The following CEP43 variants were observed in gnomAD, a reference collection of about 807,000 sequenced individuals.
CEP43 encodes the protein centrosomal protein 43, also known as FGFR1 oncogene partner.
In CEP43, 36 loss-of-function variants were observed where a neutral mutation model predicts 52.6. The observed-to-expected ratio is 0.68, with a 90% CI of 0.52 to 0.90. The LOEUF is 0.90. CEP43 is among the 40% of genes least tolerant of loss of function. The pLI is 0.00. For missense variants in CEP43, 506 were observed against 472.8 expected (o/e 1.07, Z -0.65); for synonymous variants, 192 against 172.4 (o/e 1.11, Z -0.89).
chr6:167,037,840 C>T (rs994400985), intron 12 of CEP43, among the ~76,000 whole-genome samples: 1 of 152,166 alleles, frequency 6.6e-6, no homozygotes, highest in Admixed American at 6.5e-5. Context: ...ATATTTTAGG[C>T]TTTGCAGGCC....
At chr6:167,018,115 C>G (rs1780142748) in intron 7 of CEP43, among the ~76,000 whole-genome samples, 1 of 152,132 alleles carries the variant, frequency 6.6e-6, no homozygotes, top group Non-Finnish European at 1.5e-5. Flanking sequence ...GTCTTTGCCT[C>G]CATCTTCACA....
At chr6:167,013,141 C>T (rs1780021113) in intron 6 of CEP43, among the ~76,000 whole-genome samples, 1 of 152,272 alleles carries the variant, frequency 6.6e-6, no homozygotes, top group South Asian at 2.1e-4. Context: ...TTGTGTGCTC[C>T]TGAGAAAGGT....
intron 12 of CEP43, among the ~76,000 whole-genome samples, chr6:167,038,006 T>C (rs1309826015): frequency 3.3e-5 from 5 of 152,208 alleles, no homozygotes; most frequent in Non-Finnish European, 7.3e-5. Flanking sequence ...TGTTCAGCTG[T>C]CAGTGGGACC....
intron 1 of CEP43, 35 bp downstream of exon 1, chr6:166,999,549 C>T: frequency 7.4e-7 from 1 of 1,344,848 alleles, no homozygotes; most frequent in Non-Finnish European, 9.8e-7. Context: ...CCTGGCGGAT[C>T]CGCAGGGCTT....
At chr6:167,032,547 G>A (rs1013031899) in intron 10 of CEP43, 56 bp from the exon 11 acceptor site, 26 of 1,453,808 alleles carry the variant, frequency 1.8e-5, no homozygotes, top group Middle Eastern at 1.8e-4. Flanking sequence ...TGTGTTTAAT[G>A]GTAGGTAAAT....
chr6:167,003,699 T>G (rs1252304345), intron 3 of CEP43, 24 bp from the exon 4 acceptor site: 1 of 1,488,982 alleles, frequency 6.7e-7, no homozygotes, highest in Non-Finnish European at 9.3e-7. Flanking sequence ...ATTTGCTTAC[T>G]TACCTTTTTC....
At chr6:167,036,524 T>C (rs1220495476) in intron 12 of CEP43, 2 of 985,308 alleles carry the variant, frequency 2.0e-6, no homozygotes, top group Non-Finnish European at 2.4e-6. Flanking sequence ...AGAACATAAG[T>C]GTGCATCCCA....
At chr6:167,020,036 G>A (rs1780190072) in intron 7 of CEP43, among the ~76,000 whole-genome samples, 1 of 152,152 alleles carries the variant, frequency 6.6e-6, no homozygotes, top group African/African-American at 2.4e-5. Context: ...ATTTCCAAAT[G>A]CATATTCTTT....
rs867834499 is a variant in CEP43, at chr6:167,016,995, T to A, written c.579+3428T>A. Among the ~76,000 whole-genome samples, 899 of 150,300 alleles carry A rather than the reference T, an allele frequency of 6.0e-3. 8 individuals are homozygous for A. The highest frequency in any genetic ancestry group is 0.019 in the South Asian group (92 of 4,766). On this transcript the variant is annotated intron_variant, in intron 7 of 12. Transcript: ENST00000366847. ...ATTTTATTTATTATTTATTTATTTTTTTTTTTTTTTATTTTTTTGAGATGG... is the reference window on the plus strand; with the variant it reads ...ATTTTATTTATTATTTATTTATTTTATTTTTTTTTTATTTTTTTGAGATGG...
intron 10 of CEP43, among the ~76,000 whole-genome samples, chr6:167,026,910 A>G (rs1780368449): frequency 6.6e-6 from 1 of 152,234 alleles, no homozygotes; most frequent in Non-Finnish European, 1.5e-5. Context: ...GTCAGTATAT[A>G]TGGGTATAGA....
chr6:167,044,319 A>G lies in CEP43; in HGVS notation c.*4341A>G. 1 of 821,718 alleles carries G rather than the reference A, an allele frequency of 1.2e-6. No homozygotes were observed. The highest frequency in any genetic ancestry group is 1.5e-6 in the Non-Finnish European group (1 of 680,298). 50.9% of individuals were successfully genotyped at this position (821,718 alleles called of 1,614,324 possible). On this transcript the variant is annotated 3_prime_UTR_variant, in exon 13 of 13. Transcript: ENST00000366847. ...TTTTTGACTAAAAAATTGTTGGCCT[A>G]AGATAATTCAGTAGCAGGGCTGAAT...
rs566571831 is a variant in CEP43 at position 167,049,047 on chromosome 6, C to A, written c.*9069C>A. 6 of 152,276 alleles carry A rather than the reference C, an allele frequency of 3.9e-5. No homozygotes were observed. Among genetic ancestry groups the A allele is most frequent in the African/African-American group, 1.4e-4 (6 of 41,550 alleles). 9.4% of individuals were successfully genotyped at this position (152,276 alleles called of 1,614,324 possible). ...CTCTGTTGAAAGATATTTTTAAAAT[C>A]ATTGTCCTATGGAAAAGTCATATAG... On this transcript the variant is annotated 3_prime_UTR_variant, in exon 13 of 13. Transcript: ENST00000366847.
chr6:167,002,259 T>C (rs1251723237), intron 2 of CEP43, among the ~76,000 whole-genome samples: 1 of 151,890 alleles, frequency 6.6e-6, no homozygotes, highest in Non-Finnish European at 1.5e-5. Context: ...TAGGTACTCT[T>C]TTTTTTTGGT....
intron 6 of CEP43, among the ~76,000 whole-genome samples, chr6:167,012,915 A>G (rs1780016915): frequency 1.3e-5 from 2 of 152,200 alleles, no homozygotes; most frequent in African/African-American, 2.4e-5. Context: ...AATACCCTAG[A>G]TAGTCCTTGT....
At chr6:167,009,661 G>A (rs961199379) in intron 5 of CEP43, among the ~76,000 whole-genome samples, 8 of 135,186 alleles carry the variant, frequency 5.9e-5, no homozygotes, top group African/African-American at 8.5e-5. Context: ...ATGAAACTCC[G>A]TCTCAAAAAA....
At position 167,004,297 on chromosome 6, in the gene CEP43, C is replaced by A. The variant is rs201719790; in HGVS notation, c.334C>A (p.Arg112=). 3.1e-6 allele frequency: 5 copies of A among 1,606,334 alleles called. No homozygotes were observed. Among genetic ancestry groups the A allele is most frequent in the South Asian group, 1.1e-5 (1 of 89,874 alleles). The change falls in exon 5 of 13, where the codon CGA becomes AGA. Residue 112 remains arginine (R), a synonymous_variant. Coordinates refer to ENST00000366847, the MANE Select transcript of CEP43 (RefSeq NM_007045.4). The stretch of plus-strand genomic sequence containing the variant: ...TCTCGAAGGTCGAGAGAATTTAGCC[C>A]GAGATTTAGGTATAATTGAAGCAGA... ...QGLEGRENLA[R]DLGIIEAEGT...
intron 9 of CEP43, among the ~76,000 whole-genome samples, chr6:167,026,134 G>A (rs1194618080): frequency 1.3e-5 from 2 of 152,222 alleles, no homozygotes; most frequent in African/African-American, 4.8e-5. Context: ...GGAGGCCGAG[G>A]TGGGTGGATC....
rs1397411433 is a variant in CEP43, at chr6:167,015,637, G to T, written c.579+2070G>T. On this transcript the variant is annotated intron_variant, in intron 7 of 12. Transcript: ENST00000366847. ...GGGTACCGCTGCTCCCGGAGCTCTG[G>T]AGCACTGATCAGGAGTGTCGCATGT... Among the ~76,000 whole-genome samples the T allele has an allele frequency of 2.0e-5, 3 of 152,194 alleles. No homozygotes were observed. In the East Asian group the frequency reaches 5.8e-4, roughly 29 times the overall value.
chr6:167,039,844 ATAACT>A (rs1380122430), intron 12 of CEP43, 55 bp from the exon 13 acceptor site: 3 of 1,573,688 alleles, frequency 1.9e-6, no homozygotes, highest in Non-Finnish European at 2.6e-6. Context: ...ATTTTTTAAA[ATAACT>A]TAAGACTACT....
Sources: gnomAD v4.1 joint callset for allele counts (sites outside exome capture counted in the v4.1 genomes callset) on GRCh38, gnomAD v4.1.1 for gene constraint, MANE v1.5 for transcripts, NCBI Gene and HGNC (gene_info 2026-07-23, HGNC 2026-07-21) for gene names.